Variants in NDST1 observed in about 807,000 individuals in gnomAD.
NDST1 encodes the protein bifunctional heparan sulfate N-deacetylase/N-sulfotransferase 1.
In NDST1, 35 loss-of-function variants were observed where a neutral mutation model predicts 92.8. That is an observed-to-expected ratio of 0.38 (90% CI 0.29 to 0.50). The LOEUF (loss-of-function observed/expected upper bound fraction) is 0.50. Among genes scored for constraint, NDST1 ranks in the 20% least tolerant of loss-of-function variants. NDST1 has a pLI of 0.94. For synonymous variants in NDST1, 493 were observed against 500.3 expected (o/e 0.99, Z 0.19); for missense variants, 822 against 1,182.7 (o/e 0.69, Z 4.47).
chr5:150,510,865 A>G (rs774206774), intron 1 of NDST1, among the ~76,000 whole-genome samples: 1 of 152,258 alleles, frequency 6.6e-6, no homozygotes, highest in Non-Finnish European at 1.5e-5. Context: ...TAAAACACAT[A>G]TAAAATGGAT....
chr5:150,529,049 A>C (rs1754598090), intron 3 of NDST1, among the ~76,000 whole-genome samples: 2 of 152,124 alleles, frequency 1.3e-5, no homozygotes, highest in South Asian at 4.1e-4. Flanking sequence ...CATGAGGCAG[A>C]TTTTAACTGA....
At chr5:150,535,298 C>G (rs1295448681) in intron 5 of NDST1, 2 of 985,244 alleles carry the variant, frequency 2.0e-6, no homozygotes, top group African/African-American at 3.5e-5. Context: ...TTTCCTGTGC[C>G]CAAGCTCTTA....
At chr5:150,535,453 G>A in intron 5 of NDST1, 3 of 936,966 alleles carry the variant, frequency 3.2e-6, no homozygotes, top group Non-Finnish European at 3.8e-6. Context: ...TGTGCTAGAG[G>A]CATGTGCACC....
rs1283089514 is a variant in NDST1, at chr5:150,521,813, A to G, written c.513+46A>G. ...CCGAGCAGTTCAGAGCCCCCTCTGCAGCTCAGTGCCTGAATTCTCATTTGT... is the reference window on the plus strand; with the variant it reads ...CCGAGCAGTTCAGAGCCCCCTCTGCGGCTCAGTGCCTGAATTCTCATTTGT... On this transcript the variant is annotated intron_variant, in intron 2 of 14. Coordinates refer to ENST00000261797, the MANE Select transcript of NDST1 (RefSeq NM_001543.5). The surrounding 1 kb of genome is among the most constrained non-coding windows in gnomAD (Gnocchi z 5.9). The G allele has an allele frequency of 6.2e-7, 1 of 1,605,734 alleles. No individual in the cohort carries two copies. The highest frequency in any genetic ancestry group is 2.2e-5 in the East Asian group (1 of 44,884).
intron 2 of NDST1, among the ~76,000 whole-genome samples, chr5:150,522,439 CG>C (rs1561595008): frequency 6.8e-6 from 1 of 146,506 alleles, no homozygotes; most frequent in African/African-American, 2.5e-5. Flanking sequence ...CTGTCCTTGG[CG>C]GGGGGAGGTT....
At chr5:150,546,189 G>C (rs1042290111) in intron 11 of NDST1, among the ~76,000 whole-genome samples, 1 of 151,944 alleles carries the variant, frequency 6.6e-6, no homozygotes, top group African/African-American at 2.4e-5. Flanking sequence ...GTAGAGACAG[G>C]GTTTCACCAT....
At chr5:150,535,222 C>T in intron 5 of NDST1, 1 of 872,102 alleles carries the variant, frequency 1.1e-6, no homozygotes, top group Non-Finnish European at 1.4e-6. Context: ...AGACAAGAAA[C>T]CAAGGCTCAG....
intron 1 of NDST1, among the ~76,000 whole-genome samples, chr5:150,520,084 G>A (rs904226105): frequency 6.6e-6 from 1 of 152,106 alleles, no homozygotes; most frequent in African/African-American, 2.4e-5. Flanking sequence ...TACGTACCCC[G>A]AGGATGAGAG....
At chr5:150,504,573 G>A (rs958134117), upstream of NDST1, among the ~76,000 whole-genome samples, 28 of 152,124 alleles carry the variant, frequency 1.8e-4, no homozygotes, top group Admixed American at 1.4e-3. Flanking sequence ...CTGACTGCCC[G>A]TGACAGAGTC....
Position 150,515,737 on chromosome 5 carries a change from G to A in NDST1, c.-387-5131G>A, listed in dbSNP as rs191538926. ...GCCCAGGGTGGTGGGGGTCATTGAG[G>A]CCTCAGCCCCAGCTGTCCTTGAGGC... On this transcript the variant is annotated intron_variant, in intron 1 of 14. Coordinates refer to ENST00000261797, the MANE Select transcript of NDST1 (RefSeq NM_001543.5). Among the ~76,000 whole-genome samples, 13 of 152,296 alleles carry A rather than the reference G, an allele frequency of 8.5e-5. No individual in the cohort carries two copies. In the East Asian group the frequency reaches 2.1e-3, roughly 25 times the overall value.
chr5:150,503,427 CAA>C (rs1299323636), upstream of NDST1, among the ~76,000 whole-genome samples: 1 of 152,122 alleles, frequency 6.6e-6, no homozygotes, highest in African/African-American at 2.4e-5. Context: ...GCCTGGGCAA[CAA>C]GAGTGAAATT....
Position 150,521,563 on chromosome 5 carries a change from C to T in NDST1, c.309C>T (p.Ile103=), listed in dbSNP as rs145084491. The T allele has an allele frequency of 2.4e-5, 39 of 1,613,914 alleles. No homozygotes were observed. The highest frequency in any genetic ancestry group is 3.1e-5 in the Non-Finnish European group (37 of 1,180,030). The change falls in exon 2 of 15, where the codon ATC becomes ATT. Residue 103 remains isoleucine, a synonymous_variant. Coordinates refer to ENST00000261797, the MANE Select transcript of NDST1 (RefSeq NM_001543.5). This position sits in a 1 kb window ranked among gnomAD's most constrained non-coding sequence, Gnocchi z 5.9. ...AACTGGGCCAGGAGGTGGTGGCCAT[C>T]CTGGAGTCCAGCCGCTTCAAATACC... is the stretch of plus-strand genomic sequence containing the variant. ...YSQLGQEVVA[I]LESSRFKYRT...
chr5:150,518,031 C>T (rs993625484), intron 1 of NDST1, among the ~76,000 whole-genome samples: 1 of 152,204 alleles, frequency 6.6e-6, no homozygotes, highest in Non-Finnish European at 1.5e-5. Flanking sequence ...GTAAACAGGA[C>T]CAGTCACCCC....
At chr5:150,512,276 C>T (rs1753763358) in intron 1 of NDST1, among the ~76,000 whole-genome samples, 1 of 152,068 alleles carries the variant, frequency 6.6e-6, no homozygotes, top group Non-Finnish European at 1.5e-5. Context: ...AGTGTGTGGT[C>T]CACAGAGGGC....
rs752021345 is a variant in NDST1 at position 150,521,903 on chromosome 5, T to C, written c.513+136T>C. ...TGGGAGGGTTAAATGAGTGAGTATA[T>C]GTAAAGCACTGGGAGCATGCGGTGC... On this transcript the variant is annotated intron_variant, in intron 2 of 14. Coordinates refer to ENST00000261797, the MANE Select transcript of NDST1 (RefSeq NM_001543.5). The surrounding 1 kb of genome is among the most constrained non-coding windows in gnomAD (Gnocchi z 5.9). 50 of 1,150,258 alleles carry C rather than the reference T, an allele frequency of 4.3e-5. No individual in the cohort carries two copies. Among genetic ancestry groups the C allele is most frequent in the Non-Finnish European group, 5.2e-5 (41 of 790,654 alleles). The allele number at this position is 1,150,258 out of a possible 1,614,324, so 71.3% of individuals were successfully genotyped here.
rs753143076 is a variant in NDST1 at position 150,553,203 on chromosome 5, C to T, written c.2530-10C>T. 6.2e-7 allele frequency: 1 copy of T among 1,612,016 alleles called. No individual in the cohort carries two copies. The highest frequency in any genetic ancestry group is 1.1e-5 in the South Asian group (1 of 91,030). ...AGTACACAAGGTCTGAGCTTTCCTTCCCGTTACAGTCCCGAGCCTTCCTGA... is the reference window on the plus strand; with the variant it reads ...AGTACACAAGGTCTGAGCTTTCCTTTCCGTTACAGTCCCGAGCCTTCCTGA... On this transcript the variant is annotated splice_polypyrimidine_tract_variant and intron_variant, in intron 14 of 14. Coordinates refer to ENST00000261797, the MANE Select transcript of NDST1 (RefSeq NM_001543.5). The surrounding 1 kb of genome is among the most constrained non-coding windows in gnomAD (Gnocchi z 4.2).
intron 8 of NDST1, among the ~76,000 whole-genome samples, chr5:150,540,565 C>T (rs528851381): frequency 2.1e-4 from 32 of 152,100 alleles, no homozygotes; most frequent in Non-Finnish European, 4.3e-4. Context: ...CCTATAATCC[C>T]AATACTTTAG....
chr5:150,502,814 G>T (rs989372019), intron 1 of NDST1, among the ~76,000 whole-genome samples: 1 of 151,964 alleles, frequency 6.6e-6, no homozygotes, highest in Non-Finnish European at 1.5e-5. Flanking sequence ...AAGGTTGGGG[G>T]CGGAAGGGTG....
chr5:150,521,824 T>G lies in NDST1; in HGVS notation c.513+57T>G, dbSNP rs1754249752. ...AGAGCCCCCTCTGCAGCTCAGTGCC[T>G]GAATTCTCATTTGTGAAATAGGTGT... On this transcript the variant is annotated intron_variant, in intron 2 of 14. Transcript: ENST00000261797. The surrounding 1 kb of genome is among the most constrained non-coding windows in gnomAD (Gnocchi z 5.9). 1.2e-6 allele frequency: 2 copies of G among 1,601,334 alleles called. No homozygotes were observed. The highest frequency in any genetic ancestry group is 1.3e-5 in the African/African-American group (1 of 74,838).
Sources: gnomAD v4.1 joint callset for allele counts (sites outside exome capture counted in the v4.1 genomes callset) on GRCh38, gnomAD v4.1.1 for gene constraint, Gnocchi (gnomAD v3.1) non-coding constraint, MANE v1.5 for transcripts, NCBI Gene and HGNC (gene_info 2026-07-23, HGNC 2026-07-21) for gene names.